Variants in ABCC5 observed in about 807,000 individuals in gnomAD.
ABCC5 encodes the protein ATP binding cassette subfamily C member 5, also known as ATP-binding cassette sub-family C member 5.
A neutral mutation model predicts 160.9 loss-of-function variants in ABCC5; 61 were observed. That is an observed-to-expected ratio of 0.38 (90% CI 0.31 to 0.47). The LOEUF is 0.47. Ranked by LOEUF, ABCC5 falls within the 20% of genes least tolerant of loss-of-function variation. The pLI is 0.99. For synonymous variants in ABCC5, 666 were observed against 700.6 expected (o/e 0.95, Z 0.78); for missense variants, 1,308 against 1,813.3 (o/e 0.72, Z 5.06).
rs568858073 is a variant in ABCC5 at position 183,954,142 on chromosome 3, T to C, written c.2483-872A>G. 3.6e-5 allele frequency among the ~76,000 whole-genome samples: 5 copies of C among 139,152 alleles called. No individual in the cohort carries two copies. In the South Asian group the frequency reaches 9.1e-4, roughly 25 times the overall value. 91.3% of individuals were successfully genotyped at this position (139,152 alleles called of 152,430 possible). On this transcript the variant is annotated intron_variant, in intron 17 of 29. Transcript: ENST00000334444. ...CATGCAGGAAAGTTGGTTGGTCTCA[T>C]GTTTTGTGTGTGTGTTTTTTTTTGA... is the stretch of plus-strand genomic sequence containing the variant.
chr3:183,992,961 C>A (rs1018856334), intron 2 of ABCC5, among the ~76,000 whole-genome samples: 83 of 152,162 alleles, frequency 5.5e-4, no homozygotes, highest in African/African-American at 2.0e-3. Context: ...CAAGAGAAAA[C>A]AAATCTCCAC....
At chr3:183,977,769 T>C in intron 9 of ABCC5, 145 bp from the exon 10 acceptor site, 1 of 591,608 alleles carries the variant, frequency 1.7e-6, no homozygotes, top group South Asian at 2.1e-5. Context: ...TTTTTTTTTT[T>C]TGAGACGGAG....
At chr3:183,961,463 C>T (rs1267340101) in intron 16 of ABCC5, 48 bp downstream of exon 16, 1 of 1,603,488 alleles carries the variant, frequency 6.2e-7, no homozygotes, top group Non-Finnish European at 8.5e-7. Context: ...GGCTGTGTTT[C>T]CCTTGCAGAG....
intron 10 of ABCC5, among the ~76,000 whole-genome samples, chr3:183,975,123 AG>A (rs1718095334): frequency 1.3e-5 from 2 of 152,202 alleles, no homozygotes; most frequent in Admixed American, 6.5e-5. Flanking sequence ...ATACAATCCC[AG>A]GAACAGTTCT....
rs779203251 is a variant in ABCC5 at position 183,988,532 on chromosome 3, C to G, written c.443+40G>C. On this transcript the variant is annotated intron_variant, in intron 4 of 29. Transcript: ENST00000334444. This position sits in a 1 kb window ranked among gnomAD's most constrained non-coding sequence, Gnocchi z 4.4. ...ACACTCCTAGCTCAGGCCCTGCCCA[C>G]CCGGCATGGGGGAGATGAGGGTGGA... 3.2e-6 allele frequency: 5 copies of G among 1,581,526 alleles called. No homozygotes were observed. The Admixed American group carries it at 7.4e-5, about 23-fold the overall frequency.
intron 23 of ABCC5, 118 bp downstream of exon 23, chr3:183,947,206 A>T: frequency 9.0e-7 from 1 of 1,105,068 alleles, no homozygotes; most frequent in Non-Finnish European, 1.2e-6. Context: ...GAGCAATTCT[A>T]GGGGTCCAGA....
intron 2 of ABCC5, among the ~76,000 whole-genome samples, chr3:183,997,948 C>T (rs1353272707): frequency 1.3e-5 from 2 of 151,988 alleles, no homozygotes; most frequent in Non-Finnish European, 2.9e-5. Context: ...CCATGTCTGG[C>T]TAATTTTTTT....
rs28365017 is a variant in ABCC5 at position 183,963,655 on chromosome 3, A to G, written c.2032-67T>C. The stretch of plus-strand genomic sequence containing the variant: ...CCAGAACAGCGTGGAGGGGTCACCC[A>G]GTCACTTCTCTTCTTGCCCACCCAG... On this transcript the variant is annotated intron_variant, in intron 14 of 29. Transcript: ENST00000334444. The surrounding 1 kb of genome is among the most constrained non-coding windows in gnomAD (Gnocchi z 4.6). The G allele has an allele frequency of 6.6e-4, 1,006 of 1,512,830 alleles. 10 individuals carry two copies. The African/African-American group carries it at 0.012, about 19-fold the overall frequency. 93.7% of individuals were successfully genotyped at this position (1,512,830 alleles called of 1,614,324 possible).
intron 2 of ABCC5, among the ~76,000 whole-genome samples, chr3:184,004,822 C>G (rs1439399184): frequency 6.6e-6 from 1 of 152,130 alleles, no homozygotes; most frequent in African/African-American, 2.4e-5. Context: ...CTTAAAAAAG[C>G]CAAACAATTA....
intron 26 of ABCC5, among the ~76,000 whole-genome samples, chr3:183,931,299 T>C (rs958425497): frequency 9.3e-5 from 14 of 150,460 alleles, no homozygotes; most frequent in African/African-American, 1.5e-4. Flanking sequence ...AGATTTTCTA[T>C]GGGCAAATAC....
At chr3:183,966,220 T>C (rs1717204052) in intron 12 of ABCC5, among the ~76,000 whole-genome samples, 1 of 152,228 alleles carries the variant, frequency 6.6e-6, no homozygotes, top group Non-Finnish European at 1.5e-5. Context: ...CTTGTTCATA[T>C]AAGCTGGTCT....
chr3:183,928,868 C>T (rs773737042), intron 26 of ABCC5, 43 bp from the exon 27 acceptor site: 43 of 1,548,916 alleles, frequency 2.8e-5, no homozygotes, highest in South Asian at 2.3e-4. Flanking sequence ...CCACCCTAAG[C>T]GACCCATTGG....
At chr3:183,931,578 T>A (rs1713185435) in intron 26 of ABCC5, among the ~76,000 whole-genome samples, 1 of 152,194 alleles carries the variant, frequency 6.6e-6, no homozygotes, top group African/African-American at 2.4e-5. Context: ...AGGTGATCCA[T>A]CCGCCTTGGC....
chr3:183,988,800 G>T lies in ABCC5; in HGVS notation c.288-73C>A. The T allele has an allele frequency of 6.8e-7, 1 of 1,478,584 alleles. No individual in the cohort carries two copies. The highest frequency in any genetic ancestry group is 9.2e-7 in the Non-Finnish European group (1 of 1,089,462). The allele number at this position is 1,478,584 out of a possible 1,614,324, so 91.6% of individuals were successfully genotyped here. ...GGGCAGCCCGTGTTTAATGGACACT[G>T]TTTAGTGAACACAGCTCTTAGCTAA... On this transcript the variant is annotated intron_variant, in intron 3 of 29. Transcript: ENST00000334444. This position sits in a 1 kb window ranked among gnomAD's most constrained non-coding sequence, Gnocchi z 4.4.
At chr3:183,985,111 A>G in intron 5 of ABCC5, 1 of 668,134 alleles carries the variant, frequency 1.5e-6, no homozygotes, top group South Asian at 2.0e-5. Flanking sequence ...GTTTTTAAAT[A>G]ACAATGACAT....
At chr3:183,955,045 G>T (rs117528954) in intron 17 of ABCC5, among the ~76,000 whole-genome samples, 1,727 of 152,160 alleles carry the variant, frequency 0.011, 106 homozygotes, top group Admixed American at 0.095. Flanking sequence ...AGTGGTGGGG[G>T]ACAGGGTGTG....
At chr3:183,929,279 A>G (rs907666873) in intron 26 of ABCC5, among the ~76,000 whole-genome samples, 1 of 151,950 alleles carries the variant, frequency 6.6e-6, no homozygotes, top group African/African-American at 2.4e-5. Context: ...CTAAAAATAC[A>G]AAAATTAGCC....
chr3:183,949,804 T>C lies in ABCC5; in HGVS notation c.3176A>G (p.Gln1059Arg). Residue 1059 changes from glutamine to arginine, a missense_variant, in exon 22 of 30, where the codon CAG becomes CGG. By Grantham distance (43) the Gln-to-Arg change is conservative (BLOSUM62 1). Coordinates refer to ENST00000334444, the MANE Select transcript of ABCC5 (RefSeq NM_005688.4). This position sits in a 1 kb window ranked among gnomAD's most constrained non-coding sequence, Gnocchi z 4.2. ...PFLSHITSSI[Q>R]GLATIHAYNK... ...GTAGGCGTGGATGGTGGCAAGGCCC[T>C]GTATGCTGGACGTGATGTGGGAGAG... 4 of 1,614,222 alleles carry C rather than the reference T, an allele frequency of 2.5e-6. No individual in the cohort carries two copies. Among genetic ancestry groups the C allele is most frequent in the Non-Finnish European group, 3.4e-6 (4 of 1,180,038 alleles).
chr3:183,997,457 C>T (rs530339722), intron 2 of ABCC5, among the ~76,000 whole-genome samples: 7 of 152,232 alleles, frequency 4.6e-5, no homozygotes, highest in East Asian at 1.9e-4. Context: ...TCTGTCTCAA[C>T]GATTTCTTCT....
Sources: allele counts gnomAD v4.1 joint callset (sites outside exome capture counted in the v4.1 genomes callset), GRCh38; gene constraint gnomAD v4.1.1; non-coding constraint Gnocchi (gnomAD v3.1); transcripts MANE v1.5; gene names NCBI Gene and HGNC (gene_info 2026-07-23, HGNC 2026-07-21).